Variants in MECOM observed in about 807,000 individuals in gnomAD.
MECOM encodes histone-lysine N-methyltransferase MECOM.
A neutral mutation model predicts 116.3 loss-of-function variants in MECOM; 13 were observed. The observed-to-expected ratio is 0.11, with a 90% CI of 0.07 to 0.18. The LOEUF is 0.18. MECOM is among the 10% of genes least tolerant of loss of function. The probability of loss-of-function intolerance (pLI) is 1.00; values close to 1 mark genes in which losing one functional copy is unlikely to be tolerated. For missense variants in MECOM, 1,299 were observed against 1,509.0 expected (o/e 0.86, Z 2.31); for synonymous variants, 528 against 535.2 (o/e 0.99, Z 0.19).
At chr3:169,102,380 C>T (rs1273486327) in intron 10 of MECOM, among the ~76,000 whole-genome samples, 154 bp from the exon 11 acceptor site, 1 of 152,124 alleles carries the variant, frequency 6.6e-6, no homozygotes, top group African/African-American at 2.4e-5. Context: ...TAAACAACAA[C>T]AGAATTGATT....
At chr3:169,163,163 G>C (rs1268314864) in intron 2 of MECOM, among the ~76,000 whole-genome samples, 1 of 152,108 alleles carries the variant, frequency 6.6e-6, no homozygotes, top group African/African-American at 2.4e-5. Flanking sequence ...TTCTTTGTAA[G>C]TAATTTGGCT....
chr3:169,093,973 CT>C (rs1376976804), intron 13 of MECOM, among the ~76,000 whole-genome samples: 2 of 152,094 alleles, frequency 1.3e-5, no homozygotes, highest in African/African-American at 4.8e-5. Context: ...CATGTTTAAC[CT>C]TTTTTCTTAA....
intron 1 of MECOM, among the ~76,000 whole-genome samples, chr3:169,510,769 A>C (rs1755866901): frequency 6.6e-6 from 1 of 152,222 alleles, no homozygotes; most frequent in Non-Finnish European, 1.5e-5. Flanking sequence ...TGGAATATCT[A>C]ATCTCTGCGG....
chr3:169,505,438 T>A (rs1003316456), intron 1 of MECOM, among the ~76,000 whole-genome samples: 1 of 152,178 alleles, frequency 6.6e-6, no homozygotes, highest in Admixed American at 6.6e-5. Flanking sequence ...AAATAGAAAC[T>A]GTATATATTT....
At chr3:169,614,084 C>T (rs1227826478) in intron 1 of MECOM, among the ~76,000 whole-genome samples, 1 of 147,398 alleles carries the variant, frequency 6.8e-6, no homozygotes, top group East Asian at 2.0e-4. Flanking sequence ...CCCTTCTCCT[C>T]TCCTCTCTTT....
chr3:169,104,051 A>T (rs1315258395), intron 10 of MECOM, among the ~76,000 whole-genome samples: 1 of 152,212 alleles, frequency 6.6e-6, no homozygotes, highest in African/African-American at 2.4e-5. Context: ...TCAGACGACA[A>T]ATGTGAACGC....
At chr3:169,177,877 C>A (rs1168761488) in intron 2 of MECOM, among the ~76,000 whole-genome samples, 2 of 151,502 alleles carry the variant, frequency 1.3e-5, no homozygotes, top group Non-Finnish European at 1.5e-5. Context: ...GAGATCCCAG[C>A]CACTGCACTC....
chr3:169,586,918 TAGA>T (rs1259961056), intron 1 of MECOM, among the ~76,000 whole-genome samples: 1 of 152,226 alleles, frequency 6.6e-6, no homozygotes, highest in African/African-American at 2.4e-5. Context: ...GTAGTAATCG[TAGA>T]AGAAGTAATC....
chr3:169,419,078 A>C (rs193122556), intron 1 of MECOM, among the ~76,000 whole-genome samples: 3 of 152,338 alleles, frequency 2.0e-5, no homozygotes, highest in Admixed American at 2.0e-4. Context: ...TGCAAAAATC[A>C]CAAGCATTCC....
chr3:169,507,018 C>T (rs16853897), intron 1 of MECOM, among the ~76,000 whole-genome samples: 25,579 of 152,182 alleles, frequency 0.17, 2,311 homozygotes, highest in East Asian at 0.33. Flanking sequence ...AAACTTCTTC[C>T]CTCTTCACTA....
chr3:169,520,342 A>C (rs1209054621), intron 1 of MECOM, among the ~76,000 whole-genome samples: 4 of 152,184 alleles, frequency 2.6e-5, no homozygotes, highest in Admixed American at 1.3e-4. Context: ...ATGAAATACT[A>C]ATTTTCCCAC....
At chr3:169,237,610 C>CAAAAAAAAAAAAAAAAA (rs775383808) in intron 2 of MECOM, among the ~76,000 whole-genome samples, 1 of 80,644 alleles carries the variant, frequency 1.2e-5, no homozygotes, top group Non-Finnish European at 2.5e-5. Flanking sequence ...GTCTCCATCA[C>CAAAAAAAAAAAAAAAAA]AAAAAAAAAA....
At chr3:169,485,926 A>ATATATG (rs1560340204) in intron 1 of MECOM, among the ~76,000 whole-genome samples, 1 of 81,610 alleles carries the variant, frequency 1.2e-5, no homozygotes, top group Non-Finnish European at 2.3e-5. Flanking sequence ...TATATATAGT[A>ATATATG]TATATAGTAT....
At chr3:169,591,239 A>G (rs762953200) in intron 1 of MECOM, among the ~76,000 whole-genome samples, 2 of 152,224 alleles carry the variant, frequency 1.3e-5, no homozygotes, top group Non-Finnish European at 2.9e-5. Flanking sequence ...CCTTTTGTAC[A>G]TCATTTATAT....
chr3:169,252,059 T>C (rs184830147), intron 2 of MECOM, among the ~76,000 whole-genome samples: 325 of 152,290 alleles, frequency 2.1e-3, no homozygotes, highest in Non-Finnish European at 3.9e-3. Context: ...GAAGGTCATT[T>C]CAATCGAATC....
intron 2 of MECOM, among the ~76,000 whole-genome samples, chr3:169,257,439 A>G (rs1416758937): frequency 2.0e-5 from 3 of 152,208 alleles, no homozygotes; most frequent in South Asian, 2.1e-4. Flanking sequence ...TAAATTCTCT[A>G]CCAAAATTGA....
chr3:169,418,132 A>G (rs1371557179), intron 1 of MECOM, among the ~76,000 whole-genome samples: 3 of 151,702 alleles, frequency 2.0e-5, no homozygotes, highest in Non-Finnish European at 2.9e-5. Flanking sequence ...AAACAAAAAA[A>G]AAAAAAGAAA....
chr3:169,541,773 C>T (rs1760092773), intron 1 of MECOM, among the ~76,000 whole-genome samples: 1 of 130,594 alleles, frequency 7.7e-6, no homozygotes, highest in South Asian at 2.4e-4. Flanking sequence ...AGCCCAGCAT[C>T]CTCTGTGCTC....
chr3:169,307,880 C>A (rs1560112510), intron 2 of MECOM, among the ~76,000 whole-genome samples: 2 of 152,166 alleles, frequency 1.3e-5, no homozygotes, highest in African/African-American at 4.8e-5. Flanking sequence ...GGGCCAGATC[C>A]TGCTACTTCT....
Sources: allele counts gnomAD v4.1 joint callset (sites outside exome capture counted in the v4.1 genomes callset), GRCh38; gene constraint gnomAD v4.1.1; transcripts MANE v1.5; gene names NCBI Gene and HGNC (gene_info 2026-07-23, HGNC 2026-07-21).